USP31: variants seen among roughly 807,000 people sequenced by gnomAD.
The protein encoded by USP31 is ubiquitin specific peptidase 31, also known as ubiquitin carboxyl-terminal hydrolase 31.
A neutral mutation model predicts 119.4 loss-of-function variants in USP31; 44 were observed. The ratio of observed to expected loss-of-function variants is 0.37; its 90% confidence interval spans 0.29 to 0.47. The LOEUF (loss-of-function observed/expected upper bound fraction) is 0.47. Among genes scored for constraint, USP31 ranks in the 20% least tolerant of loss-of-function variants. The pLI is 0.99. For missense variants in USP31, 1,643 were observed against 1,730.2 expected, an observed-to-expected ratio of 0.95 and a Z score of 0.89; for synonymous variants, 749 against 705.6, an observed-to-expected ratio of 1.06 and a Z score of -0.97.
chr16:23,142,710 C>A (rs534151642), intron 1 of USP31, among the ~76,000 whole-genome samples: 2 of 152,352 alleles, frequency 1.3e-5, no homozygotes, highest in South Asian at 4.1e-4. Flanking sequence ...CTTCATGATT[C>A]TATCAACTTT....
In USP31 at chr16:23,068,884, C is replaced by A. The variant is rs114633724; in HGVS notation, c.3221G>T (p.Arg1074Leu). The change falls in exon 16 of 16, where the codon CGC becomes CTC. Residue 1074 changes from arginine to leucine, a missense_variant. Physicochemically the swap from Arg to Leu is moderately radical, Grantham distance 102. Coordinates refer to ENST00000219689, the MANE Select transcript of USP31 (RefSeq NM_020718.4). The stretch of plus-strand genomic sequence containing the variant: ...CCTGGAAGAAGAATCTGCTTTGCTG[C>A]GGGAGCGGGAGGGCTTTAGAGAGAC... Reference protein sequence around the residue: ...VKVSLKPSRSRSKADSSSRGS... With the variant: ...VKVSLKPSRSLSKADSSSRGS... The A allele has an allele frequency of 3.8e-6, 6 of 1,596,164 alleles. No individual in the cohort carries two copies. The South Asian group carries it at 5.7e-5, about 15-fold the overall frequency.
At chr16:23,134,514 C>T (rs1207392291) in intron 1 of USP31, among the ~76,000 whole-genome samples, 4 of 152,072 alleles carry the variant, frequency 2.6e-5, no homozygotes, top group African/African-American at 9.7e-5. Flanking sequence ...GGTCTCGAGG[C>T]TAGCAAGTGG....
At chr16:23,076,848 C>A (rs564524710) in intron 13 of USP31, among the ~76,000 whole-genome samples, 1 of 152,196 alleles carries the variant, frequency 6.6e-6, no homozygotes, top group African/African-American at 2.4e-5. Context: ...TGTTACAACA[C>A]CGGGTGAGTT....
chr16:23,099,297 A>G (rs1901748506), intron 6 of USP31, among the ~76,000 whole-genome samples: 1 of 152,214 alleles, frequency 6.6e-6, no homozygotes, highest in African/African-American at 2.4e-5. Flanking sequence ...TAGAATGGCA[A>G]TCATTAAAAA....
rs1273588224 is a variant in USP31, at chr16:23,069,449, C to A, written c.2656G>T (p.Asp886Tyr). ...RSNSPSRFSG[D>Y]SPIHSSASTL... is the part of the protein sequence containing the mutation. The stretch of plus-strand genomic sequence containing the variant: ...GAAGCAGAGCTGTGAATTGGCGAAT[C>A]CCCTGAAAATCGGGATGGAGAATTG... Residue 886 changes from aspartate to tyrosine, a missense_variant, in exon 16 of 16, where the codon GAT becomes TAT. By Grantham distance (160) the Asp-to-Tyr change is radical (BLOSUM62 -3). This residue lies in a region of USP31 where 699 missense variants were observed against 650.9 expected (regional missense o/e 1.07). Transcript: ENST00000219689. 1 of 1,614,166 alleles carries A rather than the reference C, an allele frequency of 6.2e-7. No individual in the cohort carries two copies. Among genetic ancestry groups the A allele is most frequent in the Admixed American group, 1.7e-5 (1 of 60,028 alleles).
intron 13 of USP31, among the ~76,000 whole-genome samples, chr16:23,077,014 T>C (rs572444366): frequency 6.6e-6 from 1 of 152,312 alleles, no homozygotes; most frequent in Non-Finnish European, 1.5e-5. Context: ...CCCCATAAAA[T>C]AGAAACCTAA....
Position 23,108,331 on chromosome 16 carries a change from G to A in USP31, c.634-148C>T. On this transcript the variant is annotated intron_variant, in intron 1 of 15. Transcript: ENST00000219689. ...GAGTGCAAAGTAAAAACAGATGCCAGTGTAAAAACCTCACCCCTAGAAACA... is the reference window on the plus strand; with the variant it reads ...GAGTGCAAAGTAAAAACAGATGCCAATGTAAAAACCTCACCCCTAGAAACA... The A allele has an allele frequency of 3.6e-6, 4 of 1,098,980 alleles. No homozygotes were observed. In the South Asian group the frequency reaches 7.8e-5, roughly 21 times the overall value. 68.1% of individuals were successfully genotyped at this position (1,098,980 alleles called of 1,614,324 possible).
At chr16:23,082,677 T>A (rs142808588) in intron 11 of USP31, 120 bp from the exon 12 acceptor site, 374 of 1,317,818 alleles carry the variant, frequency 2.8e-4, no homozygotes, top group Non-Finnish European at 3.0e-4. Context: ...CCGCAGATGC[T>A]GGGCATCAAT....
intron 1 of USP31, among the ~76,000 whole-genome samples, chr16:23,109,007 G>T (rs1902217609): frequency 6.6e-6 from 1 of 152,190 alleles, no homozygotes; most frequent in Non-Finnish European, 1.5e-5. Flanking sequence ...TAGCTAATGG[G>T]ATGGTGGTGA....
At chr16:23,103,644 G>A (rs1409799084) in intron 5 of USP31, among the ~76,000 whole-genome samples, 3 of 152,202 alleles carry the variant, frequency 2.0e-5, no homozygotes, top group Non-Finnish European at 4.4e-5. Flanking sequence ...GACAGGCATG[G>A]TGGCTCAAGC....
chr16:23,082,740 T>G (rs934828226), intron 11 of USP31, among the ~76,000 whole-genome samples, 183 bp from the exon 12 acceptor site: 2 of 152,128 alleles, frequency 1.3e-5, no homozygotes, highest in Non-Finnish European at 2.9e-5. Context: ...CTAAACAGAT[T>G]CTGGTTTGTT....
At chr16:23,079,902 G>C in intron 13 of USP31, 44 bp downstream of exon 13, 1 of 1,514,768 alleles carries the variant, frequency 6.6e-7, no homozygotes, top group East Asian at 2.5e-5. Flanking sequence ...AAACCCGTCT[G>C]AAGGACTCGC....
chr16:23,138,094 G>T (rs1903247400), intron 1 of USP31, among the ~76,000 whole-genome samples: 1 of 152,210 alleles, frequency 6.6e-6, no homozygotes, highest in Non-Finnish European at 1.5e-5. Flanking sequence ...CTAAGTTCAA[G>T]TTGAAGCTCT....
Position 23,148,845 on chromosome 16 carries a change from C to A in USP31, c.426G>T (p.Thr142=). The A allele has an allele frequency of 6.5e-7, 1 of 1,529,046 alleles. No homozygotes were observed. Among genetic ancestry groups the A allele is most frequent in the African/African-American group, 1.4e-5 (1 of 69,964 alleles). The allele number at this position is 1,529,046 out of a possible 1,614,324, so 94.7% of individuals were successfully genotyped here. A position where few individuals can be genotyped will look rare whatever the true frequency, so the allele number is the denominator to read the frequency against. The change falls in exon 1 of 16, where the codon ACG becomes ACT. Residue 142 remains threonine (T), a synonymous_variant. Coordinates refer to ENST00000219689, the MANE Select transcript of USP31 (RefSeq NM_020718.4). ...NHGNTCFMNA[T]LQCLSNTELF... is the part of the protein sequence containing the mutation. Reference sequence around the variant, plus strand: ...GCTCGGTGTTGCTGAGGCACTGCAGCGTGGCGTTCATGAAGCACGTGTTGC... The same window carrying A: ...GCTCGGTGTTGCTGAGGCACTGCAGAGTGGCGTTCATGAAGCACGTGTTGC...
At chr16:23,115,558 T>C (rs1248591622) in intron 1 of USP31, among the ~76,000 whole-genome samples, 1 of 152,174 alleles carries the variant, frequency 6.6e-6, no homozygotes, top group Non-Finnish European at 1.5e-5. Context: ...TTAAAATTAA[T>C]CTTACATATT....
intron 1 of USP31, among the ~76,000 whole-genome samples, chr16:23,134,143 T>C (rs576207879): frequency 1.3e-5 from 2 of 152,118 alleles, no homozygotes; most frequent in African/African-American, 4.8e-5. Flanking sequence ...GATTACTTTG[T>C]TTTTGAAACT....
chr16:23,063,868 T>A lies in USP31; in HGVS notation c.*4178A>T, dbSNP rs954430366. The A allele has an allele frequency of 3.9e-5, 6 of 152,148 alleles. No homozygotes were observed. The highest frequency in any genetic ancestry group is 8.8e-5 in the Non-Finnish European group (6 of 68,026). 9.4% of individuals were successfully genotyped at this position (152,148 alleles called of 1,614,324 possible). On this transcript the variant is annotated 3_prime_UTR_variant, in exon 16 of 16. Coordinates refer to ENST00000219689, the MANE Select transcript of USP31 (RefSeq NM_020718.4). ...TACTTGGGGAAAAAAATGGTCATGC[T>A]CAAAATGCATCTGCAAAATACTTTG...
chr16:23,068,496 G>A lies in USP31; in HGVS notation c.3609C>T (p.Ser1203=). 6.2e-7 allele frequency: 1 copy of A among 1,613,416 alleles called. No individual in the cohort carries two copies. Among genetic ancestry groups the A allele is most frequent in the Non-Finnish European group, 8.5e-7 (1 of 1,179,592 alleles). ...GKHVRSSSMA[S]LRSPSTSIKS... Reference sequence around the variant, plus strand: ...TGATGCTTGTGCTGGGGGAGCGCAGGCTGGCCATGGAGGAGCTCCGCACGT... The same window carrying A: ...TGATGCTTGTGCTGGGGGAGCGCAGACTGGCCATGGAGGAGCTCCGCACGT... The change falls in exon 16 of 16, where the codon AGC becomes AGT. Residue 1203 remains serine, a synonymous_variant. Coordinates refer to ENST00000219689, the MANE Select transcript of USP31 (RefSeq NM_020718.4).
chr16:23,143,617 G>A (rs750363194), intron 1 of USP31, among the ~76,000 whole-genome samples: 1 of 151,718 alleles, frequency 6.6e-6, no homozygotes, highest in Non-Finnish European at 1.5e-5. Context: ...AAGAGAGAGC[G>A]CGAGAGATAA....
Sources: allele counts gnomAD v4.1 joint callset (sites outside exome capture counted in the v4.1 genomes callset), GRCh38; gene constraint gnomAD v4.1.1; regional missense constraint gnomAD v4.1.1; transcripts MANE v1.5; gene names NCBI Gene and HGNC (gene_info 2026-07-23, HGNC 2026-07-21).